The following ZFYVE16 variants were observed in gnomAD, a reference collection of about 807,000 sequenced individuals.
ZFYVE16 encodes the protein zinc finger FYVE domain-containing protein 16.
Under a neutral mutation model 138.1 loss-of-function variants are expected in ZFYVE16, and 89 were observed. The observed-to-expected ratio is 0.64, with a 90% CI of 0.54 to 0.77. The LOEUF is 0.77. ZFYVE16 is among the 30% of genes least tolerant of loss of function. The pLI, the probability that ZFYVE16 is intolerant of heterozygous loss-of-function variation, is 0.00. For synonymous variants in ZFYVE16, 596 were observed against 618.3 expected (o/e 0.96, Z 0.53); for missense variants, 1,793 against 1,786.7 (o/e 1.00, Z -0.06).
chr5:80,427,114 G>A (rs1309668683), intron 1 of ZFYVE16, among the ~76,000 whole-genome samples: 3 of 151,838 alleles, frequency 2.0e-5, no homozygotes, highest in African/African-American at 7.3e-5. Context: ...GAACTCCTGG[G>A]CTCAAGCTAT....
chr5:80,466,260 G>A (rs1753744388), intron 15 of ZFYVE16, among the ~76,000 whole-genome samples: 4 of 152,090 alleles, frequency 2.6e-5, no homozygotes, highest in Admixed American at 6.6e-5. Flanking sequence ...ATACCCACAC[G>A]TCTCTGAGGG....
chr5:80,438,840 G>T lies in ZFYVE16; in HGVS notation c.2155G>T (p.Val719Leu). ...TAATTCTGAAGGTGGATCTAGTTTC[G>T]TAACTGCAAATGAAGATTCTGTACC... ...ESNSEGGSSF[V>L]TANEDSVPEN... The change falls in exon 4 of 19, where the codon GTA becomes TTA. Residue 719 changes from valine to leucine, a missense_variant. Physicochemically the swap from Val to Leu is conservative, Grantham distance 32 (BLOSUM62 1). Transcript: ENST00000505560. 6.2e-7 allele frequency: 1 copy of T among 1,614,008 alleles called. No individual in the cohort carries two copies. Among genetic ancestry groups the T allele is most frequent in the African/African-American group, 1.3e-5 (1 of 75,026 alleles).
At chr5:80,450,129 TA>T (rs1204676643) in intron 9 of ZFYVE16, among the ~76,000 whole-genome samples, 2 of 152,214 alleles carry the variant, frequency 1.3e-5, no homozygotes, top group African/African-American at 4.8e-5. Context: ...TAATAATTAA[TA>T]ATCCTCACTA....
In ZFYVE16 at chr5:80,483,315, A is replaced by G. The variant is rs1030829069; in HGVS notation, c.*5938A>G. On this transcript the variant is annotated 3_prime_UTR_variant, in exon 19 of 19. Transcript: ENST00000505560. ...ACCAAAATGGCAAATCTCTGGATAA[A>G]CCAAATAGACTTACATGTTTGTTAA... The G allele has an allele frequency of 2.6e-5, 4 of 152,228 alleles. No homozygotes were observed. Among genetic ancestry groups the G allele is most frequent in the Admixed American group, 1.3e-4 (2 of 15,282 alleles). The allele number at this position is 152,228 out of a possible 1,614,324, so 9.4% of individuals were successfully genotyped here. A position where few individuals can be genotyped will look rare whatever the true frequency, so the allele number is the denominator to read the frequency against.
rs199720600 is a variant in ZFYVE16, at chr5:80,437,977, A to G, written c.1292A>G (p.Asn431Ser). ...CTAGGTGGGGAACCATTCAAAGAGAATGATCTTTTGAAACAGGAAAAATGT... is the reference window on the plus strand; with the variant it reads ...CTAGGTGGGGAACCATTCAAAGAGAGTGATCTTTTGAAACAGGAAAAATGT... ...VVLGGEPFKE[N>S]DLLKQEKCKS... Residue 431 changes from asparagine to serine, a missense_variant, in exon 4 of 19, where the codon AAT becomes AGT. Coordinates refer to ENST00000505560, the MANE Select transcript of ZFYVE16 (RefSeq NM_001284236.3). The G allele has an allele frequency of 4.3e-6, 7 of 1,613,932 alleles. No individual in the cohort carries two copies. In the East Asian group the frequency reaches 1.1e-4, roughly 26 times the overall value.
chr5:80,419,970 C>A (rs2112205930), intron 1 of ZFYVE16, among the ~76,000 whole-genome samples: 1 of 151,626 alleles, frequency 6.6e-6, no homozygotes, highest in South Asian at 2.1e-4. Flanking sequence ...CTCCACCACG[C>A]CTGGCTAATT....
rs1418122245 is a variant in ZFYVE16, at chr5:80,450,595, T to C, written c.3382+9T>C. On this transcript the variant is annotated intron_variant, in intron 10 of 18. Transcript: ENST00000505560. ...TAAGGATGCTCTAAAAGGTATGGCA[T>C]TTTATTTTGAACTGTTCAGACTGGG... 13 of 1,612,266 alleles carry C rather than the reference T, an allele frequency of 8.1e-6. No individual in the cohort carries two copies. Among genetic ancestry groups the C allele is most frequent in the Admixed American group, 1.7e-5 (1 of 59,814 alleles).
At chr5:80,443,618 CCTCATATAG>C (rs1750968374) in intron 6 of ZFYVE16, among the ~76,000 whole-genome samples, 1 of 152,130 alleles carries the variant, frequency 6.6e-6, no homozygotes, top group East Asian at 1.9e-4. Flanking sequence ...CATGAAGAGG[CCTCATATAG>C]TTGGTACTCA....
intron 5 of ZFYVE16, chr5:80,441,529 T>C: frequency 1.0e-6 from 1 of 985,314 alleles, no homozygotes; most frequent in Non-Finnish European, 1.2e-6. Flanking sequence ...ATAATAGAAG[T>C]GATCATTTAA....
chr5:80,474,675 C>T lies in ZFYVE16; in HGVS notation c.4306C>T (p.Leu1436=), dbSNP rs370781380. Residue 1436 remains leucine, a synonymous_variant, in exon 18 of 19, where the codon CTA becomes TTA. Transcript: ENST00000505560. ...IVKCTEVFYF[L]KDQDLSILST... is the part of the protein sequence containing the mutation. ...AAATACATTTCAGGTGTTCTACTTT[C>T]TAAAGGACCAGGATTTATCTATTTT... 8.1e-6 allele frequency: 13 copies of T among 1,609,750 alleles called. No individual in the cohort carries two copies. The African/African-American group carries it at 1.6e-4, about 20-fold the overall frequency.
intron 1 of ZFYVE16, among the ~76,000 whole-genome samples, chr5:80,411,055 C>T (rs1745377958): frequency 1.3e-5 from 2 of 151,592 alleles, no homozygotes; most frequent in African/African-American, 4.8e-5. Context: ...CAACCTCCGC[C>T]TCCTGGGGTT....
chr5:80,432,417 C>A (rs1749185612), intron 2 of ZFYVE16, among the ~76,000 whole-genome samples: 1 of 152,156 alleles, frequency 6.6e-6, no homozygotes, highest in African/African-American at 2.4e-5. Flanking sequence ...CTTCCTTACA[C>A]CTTATATGAA....
chr5:80,434,573 C>G (rs1749601151), intron 3 of ZFYVE16, among the ~76,000 whole-genome samples: 1 of 151,984 alleles, frequency 6.6e-6, no homozygotes, highest in African/African-American at 2.4e-5. Flanking sequence ...ACCCCCGAGG[C>G]TCAAGCATTT....
chr5:80,459,648 A>G (rs1348572051), intron 15 of ZFYVE16, among the ~76,000 whole-genome samples, 154 bp downstream of exon 15: 2 of 152,198 alleles, frequency 1.3e-5, no homozygotes, highest in Admixed American at 6.5e-5. Context: ...GAAGTAGAAG[A>G]CTTATCTCTC....
At chr5:80,459,094 AT>A (rs1228798490) in intron 14 of ZFYVE16, among the ~76,000 whole-genome samples, 1 of 152,006 alleles carries the variant, frequency 6.6e-6, no homozygotes, top group African/African-American at 2.4e-5. Context: ...CACCTGGCTA[AT>A]TTTTGTATTT....
intron 15 of ZFYVE16, among the ~76,000 whole-genome samples, chr5:80,461,630 C>T (rs935115996): frequency 6.6e-6 from 1 of 152,158 alleles, no homozygotes; most frequent in Non-Finnish European, 1.5e-5. Context: ...GTGGCCTTTT[C>T]TCTGTGTGAC....
chr5:80,450,342 A>G (rs990230727), intron 9 of ZFYVE16, 89 bp from the exon 10 acceptor site: 6 of 1,335,810 alleles, frequency 4.5e-6, no homozygotes, highest in African/African-American at 3.0e-5. Flanking sequence ...AAGGAATTTG[A>G]AAAGTTATGT....
At chr5:80,418,732 C>T (rs901842062) in intron 1 of ZFYVE16, among the ~76,000 whole-genome samples, 1 of 152,126 alleles carries the variant, frequency 6.6e-6, no homozygotes. Flanking sequence ...ATTCTCTTAA[C>T]AGTATCTTTT....
chr5:80,466,991 G>A (rs1343299453), intron 15 of ZFYVE16, among the ~76,000 whole-genome samples: 3 of 152,080 alleles, frequency 2.0e-5, no homozygotes, highest in African/African-American at 7.2e-5. Flanking sequence ...GGGCAGTAAG[G>A]GGTTGGAGCT....
Sources: allele counts gnomAD v4.1 joint callset (sites outside exome capture counted in the v4.1 genomes callset), GRCh38; gene constraint gnomAD v4.1.1; transcripts MANE v1.5; gene names NCBI Gene and HGNC (gene_info 2026-07-23, HGNC 2026-07-21).